Variants in MECOM observed in about 807,000 individuals in gnomAD.
The protein encoded by MECOM is histone-lysine N-methyltransferase MECOM.
A neutral mutation model predicts 116.3 loss-of-function variants in MECOM; 13 were observed. The observed-to-expected ratio is 0.11, with a 90% confidence interval of 0.07 to 0.18. MECOM has a LOEUF of 0.18. MECOM is among the 10% of genes least tolerant of loss of function. MECOM has a pLI of 1.00. For missense variants in MECOM, 1,299 were observed against 1,509.0 expected, an observed-to-expected ratio of 0.86 and a Z score of 2.31; for synonymous variants, 528 against 535.2, an observed-to-expected ratio of 0.99 and a Z score of 0.19.
intron 2 of MECOM, among the ~76,000 whole-genome samples, chr3:169,194,100 T>C (rs1364527693): frequency 6.6e-6 from 1 of 152,068 alleles, no homozygotes; most frequent in Non-Finnish European, 1.5e-5. Context: ...ATGTAGCTTA[T>C]AAAATCAGTT....
chr3:169,456,173 C>A (rs1746454455), intron 1 of MECOM, among the ~76,000 whole-genome samples: 1 of 152,128 alleles, frequency 6.6e-6, no homozygotes, highest in African/African-American at 2.4e-5. Flanking sequence ...ACATGATATC[C>A]ATTCTTGGGT....
At chr3:169,436,173 C>T (rs1349599430) in intron 1 of MECOM, among the ~76,000 whole-genome samples, 1 of 149,148 alleles carries the variant, frequency 6.7e-6, no homozygotes, top group Non-Finnish European at 1.5e-5. Flanking sequence ...AGAAATATCA[C>T]ATTGTGCTTA....
intron 1 of MECOM, among the ~76,000 whole-genome samples, chr3:169,558,368 A>C (rs1762274289): frequency 6.6e-6 from 1 of 152,154 alleles, no homozygotes; most frequent in Non-Finnish European, 1.5e-5. Flanking sequence ...ATTCACCTCC[A>C]TCCTGCTGTT....
chr3:169,648,756 C>G (rs1271042633), intron 1 of MECOM, among the ~76,000 whole-genome samples: 1 of 152,208 alleles, frequency 6.6e-6, no homozygotes, highest in Non-Finnish European at 1.5e-5. Flanking sequence ...GAAAGACAAG[C>G]CACTTCTGTG....
At chr3:169,128,544 ACTT>A (rs1733658383) in intron 4 of MECOM, among the ~76,000 whole-genome samples, 1 of 152,112 alleles carries the variant, frequency 6.6e-6, no homozygotes, top group Non-Finnish European at 1.5e-5. Context: ...TATTCCATAC[ACTT>A]CTTATTATGC....
chr3:169,475,610 T>A (rs555814093), intron 1 of MECOM, among the ~76,000 whole-genome samples: 2 of 152,156 alleles, frequency 1.3e-5, no homozygotes, highest in East Asian at 3.9e-4. Context: ...CTAATAGCTG[T>A]CTTAAATCGG....
chr3:169,108,008 T>C, intron 9 of MECOM, 56 bp from the exon 10 acceptor site: 2 of 1,442,014 alleles, frequency 1.4e-6, no homozygotes, highest in Admixed American at 1.7e-5. Flanking sequence ...GTATCTTTAT[T>C]GCAATCTATC....
chr3:169,231,036 T>C (rs1173021424), intron 2 of MECOM, among the ~76,000 whole-genome samples: 1 of 152,156 alleles, frequency 6.6e-6, no homozygotes, highest in Non-Finnish European at 1.5e-5. Flanking sequence ...ATAAGAAGCA[T>C]GCCCTCTACA....
At chr3:169,263,622 A>G (rs141649062) in intron 2 of MECOM, among the ~76,000 whole-genome samples, 13 of 152,206 alleles carry the variant, frequency 8.5e-5, no homozygotes, top group Admixed American at 6.5e-4. Flanking sequence ...TCTAGGCCTC[A>G]ATTAATTTCA....
intron 1 of MECOM, among the ~76,000 whole-genome samples, chr3:169,460,163 C>A (rs1389186772): frequency 6.6e-6 from 1 of 152,108 alleles, no homozygotes; most frequent in African/African-American, 2.4e-5. Flanking sequence ...TACTGACACC[C>A]TCCATGAACT....
intron 1 of MECOM, among the ~76,000 whole-genome samples, chr3:169,396,453 C>A (rs1307076587): frequency 1.2e-4 from 18 of 152,072 alleles, no homozygotes; most frequent in East Asian, 3.9e-4. Context: ...CTTGATACAA[C>A]AAGTAAAATA....
intron 1 of MECOM, among the ~76,000 whole-genome samples, chr3:169,490,183 A>C (rs1261576556): frequency 6.6e-6 from 1 of 152,242 alleles, no homozygotes; most frequent in Non-Finnish European, 1.5e-5. Flanking sequence ...ATCTGATAAT[A>C]CTAATCATTG....
At chr3:169,616,601 A>G (rs113951177) in intron 1 of MECOM, among the ~76,000 whole-genome samples, 1 of 152,202 alleles carries the variant, frequency 6.6e-6, no homozygotes, top group Non-Finnish European at 1.5e-5. Context: ...CAGCCTCTCA[A>G]AGTGCTGTGA....
At chr3:169,482,798 A>T (rs1578226292) in intron 1 of MECOM, among the ~76,000 whole-genome samples, 1 of 152,198 alleles carries the variant, frequency 6.6e-6, no homozygotes, top group African/African-American at 2.4e-5. Flanking sequence ...TAACACTGTG[A>T]TATGTTACAT....
chr3:169,543,711 CTTAAA>C, intron 1 of MECOM, among the ~76,000 whole-genome samples: 1 of 152,234 alleles, frequency 6.6e-6, no homozygotes, highest in Middle Eastern at 3.4e-3. Flanking sequence ...AGACAACATT[CTTAAA>C]TTATTCTGTC....
chr3:169,628,519 G>A (rs917590713), intron 1 of MECOM, among the ~76,000 whole-genome samples: 1 of 152,190 alleles, frequency 6.6e-6, no homozygotes, highest in Non-Finnish European at 1.5e-5. Flanking sequence ...CTTGGCTGAG[G>A]ATTCAAGGAT....
chr3:169,213,094 T>C (rs190217522), intron 2 of MECOM, among the ~76,000 whole-genome samples: 10 of 152,146 alleles, frequency 6.6e-5, no homozygotes, highest in African/African-American at 2.4e-4. Flanking sequence ...TTTAATACTT[T>C]TCACTATTTG....
intron 1 of MECOM, among the ~76,000 whole-genome samples, chr3:169,474,985 G>C (rs987457404): frequency 6.6e-6 from 1 of 152,066 alleles, no homozygotes; most frequent in African/African-American, 2.4e-5. Flanking sequence ...TGCTAGTAGG[G>C]GCCAAGCTGA....
At chr3:169,451,164 T>C (rs1378700311) in intron 1 of MECOM, among the ~76,000 whole-genome samples, 1 of 152,050 alleles carries the variant, frequency 6.6e-6, no homozygotes, top group Non-Finnish European at 1.5e-5. Context: ...GTTCTATGCA[T>C]GTGTGTGTGA....
Sources: gnomAD v4.1 joint callset for allele counts (sites outside exome capture counted in the v4.1 genomes callset) on GRCh38, gnomAD v4.1.1 for gene constraint, MANE v1.5 for transcripts, NCBI Gene and HGNC (gene_info 2026-07-23, HGNC 2026-07-21) for gene names.